The following GARS1 variants were observed in gnomAD, a reference collection of about 807,000 sequenced individuals.
GARS1 encodes the protein glycine--tRNA ligase.
A neutral mutation model predicts 86.4 loss-of-function variants in GARS1; 46 were observed. The observed-to-expected ratio is 0.53, with a 90% confidence interval of 0.42 to 0.68. The LOEUF (loss-of-function observed/expected upper bound fraction) is 0.68. Ranked by LOEUF, GARS1 falls within the 30% of genes least tolerant of loss-of-function variation. The pLI is 0.00. For synonymous variants in GARS1, 342 were observed against 329.8 expected, an observed-to-expected ratio of 1.04 and a Z score of -0.40; for missense variants, 797 against 915.6, an observed-to-expected ratio of 0.87 and a Z score of 1.67.
chr7:30,633,968 G>C lies in GARS1; in HGVS notation c.*108G>C. On this transcript the variant is annotated 3_prime_UTR_variant, in exon 17 of 17. Transcript: ENST00000389266. ...AGCATTGTGATTACTCCCAGGGACC[G>C]TATTTTATCTTCAGTGGCTGCCTGA... 1 of 1,351,700 alleles carries C rather than the reference G, an allele frequency of 7.4e-7. No homozygotes were observed. The highest frequency in any genetic ancestry group is 1.3e-5 in the South Asian group (1 of 75,542). The allele number at this position is 1,351,700 out of a possible 1,614,324, so 83.7% of individuals were successfully genotyped here. A position where few individuals can be genotyped will look rare whatever the true frequency, so the allele number is the denominator to read the frequency against.
At chr7:30,624,763 T>C (rs1289716393) in intron 12 of GARS1, among the ~76,000 whole-genome samples, 1 of 152,196 alleles carries the variant, frequency 6.6e-6, no homozygotes, top group Non-Finnish European at 1.5e-5. Flanking sequence ...AAGTTGAAGA[T>C]ACCTGTTTCA....
intron 6 of GARS1, among the ~76,000 whole-genome samples, chr7:30,607,468 G>A (rs1791506846): frequency 7.1e-6 from 1 of 141,778 alleles, no homozygotes; most frequent in Admixed American, 7.8e-5. Context: ...AACACTGCAT[G>A]TTCTCACTCA....
At chr7:30,602,244 G>A (rs1266496390) in intron 4 of GARS1, among the ~76,000 whole-genome samples, 2 of 150,380 alleles carry the variant, frequency 1.3e-5, no homozygotes, top group South Asian at 2.1e-4. Context: ...ACCTGCCACC[G>A]TGCCTGGCTA....
intron 14 of GARS1, 53 bp from the exon 15 acceptor site, chr7:30,631,395 T>G (rs1186086428): frequency 1.9e-5 from 26 of 1,386,100 alleles, no homozygotes; most frequent in Non-Finnish European, 2.4e-5. Flanking sequence ...ATATTAGCAT[T>G]TAGATATTTA....
At chr7:30,598,601 A>T (rs976623527) in intron 1 of GARS1, among the ~76,000 whole-genome samples, 195 bp from the exon 2 acceptor site, 1 of 151,988 alleles carries the variant, frequency 6.6e-6, no homozygotes, top group Non-Finnish European at 1.5e-5. Flanking sequence ...GTTGGCCAGG[A>T]TGGTCTGAAA....
At chr7:30,621,736 A>G (rs1419611742) in intron 11 of GARS1, 3 of 582,502 alleles carry the variant, frequency 5.2e-6, no homozygotes. Context: ...ATTTAGAAAA[A>G]TGCTCTGAAT....
intron 4 of GARS1, among the ~76,000 whole-genome samples, 190 bp downstream of exon 4, chr7:30,601,390 G>A (rs1339433513): frequency 6.6e-6 from 1 of 152,206 alleles, no homozygotes; most frequent in Non-Finnish European, 1.5e-5. Flanking sequence ...AGATGATTGT[G>A]TTTGTCCTTC....
intron 15 of GARS1, 28 bp downstream of exon 15, chr7:30,631,569 A>G (rs1193401150): frequency 4.2e-6 from 6 of 1,413,290 alleles, no homozygotes; most frequent in Non-Finnish European, 6.0e-6. Flanking sequence ...GGTAAACTCC[A>G]TGGGAACACC....
chr7:30,603,931 C>T (rs1017168394), intron 6 of GARS1, among the ~76,000 whole-genome samples: 1 of 152,166 alleles, frequency 6.6e-6, no homozygotes, highest in African/African-American at 2.4e-5. Flanking sequence ...CACTTTCTCA[C>T]TGGCTACTTG....
intron 12 of GARS1, among the ~76,000 whole-genome samples, chr7:30,625,116 G>A (rs977337604): frequency 6.6e-6 from 1 of 152,068 alleles, no homozygotes; most frequent in Non-Finnish European, 1.5e-5. Context: ...CTAATTTTTT[G>A]TATTTTTAGT....
intron 16 of GARS1, among the ~76,000 whole-genome samples, chr7:30,633,065 C>CT (rs1296694147): frequency 6.6e-6 from 1 of 152,116 alleles, no homozygotes; most frequent in South Asian, 2.1e-4. Flanking sequence ...CAAAAGACTG[C>CT]TTTTTTTTCT....
intron 13 of GARS1, among the ~76,000 whole-genome samples, chr7:30,628,148 A>T (rs1467619403): frequency 1.3e-5 from 2 of 152,056 alleles, no homozygotes; most frequent in Non-Finnish European, 2.9e-5. Flanking sequence ...CATCTAGAAT[A>T]GAGATATTTT....
Position 30,633,764 on chromosome 7 carries a change from C to T in GARS1, c.2124C>T (p.Asp708=). The change falls in exon 17 of 17, where the codon GAC becomes GAT. Residue 708 remains aspartate (D), a synonymous_variant. Coordinates refer to ENST00000389266, the MANE Select transcript of GARS1 (RefSeq NM_002047.4). Reference sequence around the variant, plus strand: ...CTGAGCTGCCCAGCATAGTCCAAGACCTAGCCAATGGCAACATCACATGGG... The same window carrying T: ...CTGAGCTGCCCAGCATAGTCCAAGATCTAGCCAATGGCAACATCACATGGG... ...EISELPSIVQ[D]LANGNITWAD... 1 of 1,614,028 alleles carries T rather than the reference C, an allele frequency of 6.2e-7. No homozygotes were observed. The highest frequency in any genetic ancestry group is 8.5e-7 in the Non-Finnish European group (1 of 1,179,974).
chr7:30,609,821 A>T lies in GARS1; in HGVS notation c.881+91A>T, dbSNP rs1400925386. The T allele has an allele frequency of 6.4e-6, 8 of 1,257,246 alleles. No individual in the cohort carries two copies. The African/African-American group carries it at 1.2e-4, about 19-fold the overall frequency. The allele number at this position is 1,257,246 out of a possible 1,614,324, so 77.9% of individuals were successfully genotyped here. On this transcript the variant is annotated intron_variant, in intron 7 of 16. Coordinates refer to ENST00000389266, the MANE Select transcript of GARS1 (RefSeq NM_002047.4). ...TAAATATCAATGTTATGAAGGAAAA[A>T]TTTTTAAAAAGTGATATACAGAAGT... is the stretch of plus-strand genomic sequence containing the variant.
chr7:30,619,483 A>G (rs10487699), intron 10 of GARS1, among the ~76,000 whole-genome samples: 14,077 of 152,204 alleles, frequency 0.092, 1,262 homozygotes, highest in African/African-American at 0.23. Flanking sequence ...TGTTATTCTC[A>G]GGCACGTTTT....
intron 11 of GARS1, chr7:30,621,791 C>G (rs1308222934): frequency 4.1e-6 from 2 of 493,552 alleles, no homozygotes; most frequent in Non-Finnish European, 7.2e-6. Flanking sequence ...TTCCAAAACG[C>G]ACTTCACACC....
At chr7:30,631,377 G>A (rs1169102550) in intron 14 of GARS1, 71 bp from the exon 15 acceptor site, 1 of 1,184,042 alleles carries the variant, frequency 8.4e-7, no homozygotes, top group African/African-American at 1.5e-5. Flanking sequence ...AACCTCTTTT[G>A]GTTTGGGATA....
At chr7:30,626,358 C>CTTAA in intron 13 of GARS1, 39 bp downstream of exon 13, 1 of 1,243,914 alleles carries the variant, frequency 8.0e-7, no homozygotes, top group South Asian at 1.2e-5. Context: ...GTCACTGCTC[C>CTTAA]TTAAAGCTTT....
At chr7:30,599,358 A>G (rs1428744776) in intron 2 of GARS1, among the ~76,000 whole-genome samples, 2 of 152,214 alleles carry the variant, frequency 1.3e-5, no homozygotes, top group African/African-American at 4.8e-5. Flanking sequence ...TGACAATTCA[A>G]ATATTGCTTT....
Sources: allele counts gnomAD v4.1 joint callset (sites outside exome capture counted in the v4.1 genomes callset), GRCh38; gene constraint gnomAD v4.1.1; transcripts MANE v1.5; gene names NCBI Gene and HGNC (gene_info 2026-07-23, HGNC 2026-07-21).